The following TANC2 variants were observed in gnomAD, a reference collection of about 807,000 sequenced individuals.
The protein encoded by TANC2 is protein TANC2.
In TANC2, 26 loss-of-function variants were observed where a neutral mutation model predicts 210.5. That is an observed-to-expected ratio of 0.12 (90% CI 0.09 to 0.17). The LOEUF (loss-of-function observed/expected upper bound fraction) is 0.17, where lower values mean the gene tolerates loss of function less well. Ranked by LOEUF, TANC2 falls within the 10% of genes least tolerant of loss-of-function variation. The probability of loss-of-function intolerance (pLI) is 1.00; values close to 1 mark genes in which losing one functional copy is unlikely to be tolerated. For synonymous variants in TANC2, 931 were observed against 967.1 expected (o/e 0.96, Z 0.69); for missense variants, 2,129 against 2,608.9 (o/e 0.82, Z 4.01).
intron 3 of TANC2, among the ~76,000 whole-genome samples, chr17:63,085,115 G>A (rs1031309340): frequency 2.4e-4 from 36 of 152,054 alleles, no homozygotes; most frequent in Non-Finnish European, 3.7e-4. Context: ...CTATTTATCC[G>A]TGTAGTTCTA....
chr17:63,140,050 A>C (rs1464463801), intron 4 of TANC2, among the ~76,000 whole-genome samples: 1 of 152,186 alleles, frequency 6.6e-6, no homozygotes, highest in Non-Finnish European at 1.5e-5. Context: ...TTTTGTTTAA[A>C]TAATTTACTT....
intron 8 of TANC2, among the ~76,000 whole-genome samples, chr17:63,252,670 A>G (rs1339993020): frequency 6.6e-6 from 1 of 152,060 alleles, no homozygotes; most frequent in African/African-American, 2.4e-5. Flanking sequence ...GGCTTATTTC[A>G]CTTAACATAA....
At chr17:62,968,967 A>G (rs1389204667) in intron 1 of TANC2, among the ~76,000 whole-genome samples, 2 of 152,180 alleles carry the variant, frequency 1.3e-5, no homozygotes, top group Non-Finnish European at 2.9e-5. Context: ...GGACCCCCAC[A>G]TATGCCAAAA....
intron 1 of TANC2, chr17:62,978,776 C>G (rs1028654467): frequency 6.6e-6 from 1 of 152,092 alleles, no homozygotes; most frequent in East Asian, 1.9e-4. Context: ...ATCTGAATGT[C>G]TTGAAGCCAT....
At chr17:62,978,659 C>A (rs2032149879) in intron 1 of TANC2, 1 of 152,162 alleles carries the variant, frequency 6.6e-6, no homozygotes, top group Non-Finnish European at 1.5e-5. Context: ...GCTTGAGGAG[C>A]ACCTTTTTGG....
rs190324061 is a variant in TANC2 at position 63,274,779 on chromosome 17, C to T, written c.1159+6906C>T. 5.9e-4 allele frequency among the ~76,000 whole-genome samples: 90 copies of T among 152,222 alleles called. 3 individuals carry two copies. In the East Asian group the frequency reaches 0.016, roughly 27 times the overall value. On this transcript the variant is annotated intron_variant, in intron 9 of 27. Coordinates refer to ENST00000689528, the Ensembl canonical transcript of TANC2. ...GTTGCAGTGAGCCAAGATCGTGCCA[C>T]TACACTCCAGCCTGGGCAACAGTCT...
At chr17:63,311,329 T>C (rs2045117969) in intron 9 of TANC2, among the ~76,000 whole-genome samples, 1 of 152,224 alleles carries the variant, frequency 6.6e-6, no homozygotes, top group South Asian at 2.1e-4. Flanking sequence ...TTTTATCATG[T>C]AGAGAGATGT....
At chr17:63,007,988 G>GTT (rs56950914) in intron 1 of TANC2, among the ~76,000 whole-genome samples, 33 of 118,302 alleles carry the variant, frequency 2.8e-4, no homozygotes, top group African/African-American at 5.6e-4. Flanking sequence ...ATTGGCGCCA[G>GTT]TTTTTTTTTT....
At chr17:62,994,945 G>A (rs1378700775) in intron 1 of TANC2, among the ~76,000 whole-genome samples, 1 of 152,182 alleles carries the variant, frequency 6.6e-6, no homozygotes, top group Non-Finnish European at 1.5e-5. Flanking sequence ...TAAATGAAGA[G>A]CTTTAACAAA....
intron 2 of TANC2, among the ~76,000 whole-genome samples, chr17:63,037,557 T>C (rs1279766032): frequency 6.6e-6 from 1 of 152,126 alleles, no homozygotes; most frequent in Non-Finnish European, 1.5e-5. Context: ...CTCACCCTTG[T>C]AATCTCAGCA....
chr17:63,089,501 G>A (rs188444102), intron 3 of TANC2, among the ~76,000 whole-genome samples: 12 of 152,172 alleles, frequency 7.9e-5, no homozygotes, highest in Non-Finnish European at 1.0e-4. Flanking sequence ...AATTAAGTAG[G>A]TGGGTGCCAG....
chr17:63,180,016 C>T lies in TANC2; in HGVS notation c.434-13975C>T, dbSNP rs537741849. On this transcript the variant is annotated intron_variant, in intron 5 of 27. Transcript: ENST00000689528. ...AAAGCCTTGGTGTGGTGGCACATGC[C>T]TGTGGTACCAGCTACTCAAGAGGCT... Among the ~76,000 whole-genome samples, 4 of 149,674 alleles carry T rather than the reference C, an allele frequency of 2.7e-5. No homozygotes were observed. In the East Asian group the frequency reaches 7.8e-4, roughly 29 times the overall value.
chr17:63,294,324 A>G (rs1053785790), intron 9 of TANC2, among the ~76,000 whole-genome samples: 7 of 152,150 alleles, frequency 4.6e-5, no homozygotes, highest in African/African-American at 9.7e-5. Context: ...AAGAAATACA[A>G]AAATTAGCCC....
intron 5 of TANC2, chr17:63,154,339 CTG>C (rs1438720172): frequency 6.6e-6 from 1 of 152,080 alleles, no homozygotes; most frequent in African/African-American, 2.4e-5. Context: ...AATCCTGTCA[CTG>C]TGTAAATTCC....
At chr17:63,376,740 A>G (rs539967928) in intron 14 of TANC2, among the ~76,000 whole-genome samples, 21 of 152,250 alleles carry the variant, frequency 1.4e-4, no homozygotes, top group African/African-American at 3.6e-4. Context: ...CTTGCATGGA[A>G]TCATCAGTAT....
At chr17:63,414,818 G>T (rs2048810768) in intron 25 of TANC2, among the ~76,000 whole-genome samples, 1 of 152,212 alleles carries the variant, frequency 6.6e-6, no homozygotes, top group South Asian at 2.1e-4. Flanking sequence ...TAGATTTTCA[G>T]ATACAAAGTG....
intron 2 of TANC2, among the ~76,000 whole-genome samples, chr17:63,056,187 A>T (rs537068931): frequency 2.1e-3 from 291 of 140,818 alleles, no homozygotes; most frequent in Middle Eastern, 7.2e-3. Context: ...AAAAAAAAAA[A>T]AAAAGTTTCT....
intron 12 of TANC2, among the ~76,000 whole-genome samples, chr17:63,347,014 C>G (rs2046435593): frequency 1.3e-5 from 2 of 152,054 alleles, no homozygotes; most frequent in African/African-American, 4.8e-5. Context: ...CCAACAGTTT[C>G]TTACAAAGTT....
At chr17:63,069,403 C>T (rs947299748) in intron 2 of TANC2, among the ~76,000 whole-genome samples, 6 of 152,034 alleles carry the variant, frequency 3.9e-5, no homozygotes, top group Non-Finnish European at 8.8e-5. Context: ...CCTAGAAGTC[C>T]GTGGTTTGCT....
Sources: allele counts gnomAD v4.1 joint callset (sites outside exome capture counted in the v4.1 genomes callset), GRCh38; gene constraint gnomAD v4.1.1; transcripts MANE v1.5; gene names NCBI Gene and HGNC (gene_info 2026-07-23, HGNC 2026-07-21).